Variants in PPP2R3B observed in about 807,000 individuals in gnomAD.
PPP2R3B encodes the protein serine/threonine-protein phosphatase 2A regulatory subunit B'' subunit beta.
In PPP2R3B, 68 loss-of-function variants were observed where a neutral mutation model predicts 72.9. The observed-to-expected ratio is 0.93, with a 90% CI of 0.77 to 1.14. The LOEUF (loss-of-function observed/expected upper bound fraction) is 1.14, where lower values mean the gene tolerates loss of function less well. Among genes scored for constraint, PPP2R3B ranks in the 50% most tolerant of loss-of-function variants. The pLI is 0.00. For missense variants in PPP2R3B, 1,018 were observed against 842.0 expected (o/e 1.21, Z -2.59); for synonymous variants, 466 against 375.8 (o/e 1.24, Z -2.78).
At chrX:377,073 G>A (rs1186684583) in intron 1 of PPP2R3B, among the ~76,000 whole-genome samples, 29 of 71,414 alleles carry the variant, frequency 4.1e-4, no homozygotes, top group African/African-American at 9.3e-4. Context: ...GGGACGGGCC[G>A]TCCACACCCA....
intron 1 of PPP2R3B, among the ~76,000 whole-genome samples, chrX:363,307 G>A (rs1171249246): frequency 1.5e-4 from 22 of 145,508 alleles, no homozygotes; most frequent in African/African-American, 3.9e-4. Flanking sequence ...GCATCTCCCC[G>A]AGCCCACCAT....
intron 2 of PPP2R3B, among the ~76,000 whole-genome samples, chrX:357,775 G>T (rs1413863978): frequency 2.0e-5 from 3 of 152,198 alleles, no homozygotes; most frequent in Non-Finnish European, 2.9e-5. Flanking sequence ...GGGCAGCTGA[G>T]GGGGTGGAGT....
chrX:347,252 GTCC>G lies in PPP2R3B; in HGVS notation c.696_698del (p.Glu232del). Reference sequence around the variant, plus strand: ...CTCTCACCTGCAAGAAGGGGACAAAGTCCTCCTGCACCAGGTAGTTGCAGCCGG... The same window carrying G: ...CTCTCACCTGCAAGAAGGGGACAAAGTCCTGCACCAGGTAGTTGCAGCCGG... On this transcript the variant is annotated inframe_deletion, in exon 4 of 13. Coordinates refer to ENST00000390665, the MANE Select transcript of PPP2R3B (RefSeq NM_013239.5). 6.2e-7 allele frequency: 1 copy of G among 1,613,706 alleles called. No individual in the cohort carries two copies.
intron 2 of PPP2R3B, among the ~76,000 whole-genome samples, chrX:353,928 CCGGGGGCTCACCCAGGGAG>C (rs1162753528): frequency 1.9e-4 from 27 of 144,842 alleles, no homozygotes; most frequent in African/African-American, 7.0e-4. Flanking sequence ...CGCCCAGGGA[CCGGGGGCTCACCCAGGGAG>C]CAGGGGCTCA....
rs373979075 is a variant in PPP2R3B at position 344,093 on chromosome X, C to G, written c.1036+1423G>C. Among the ~76,000 whole-genome samples the G allele has an allele frequency of 2.5e-3, 104 of 41,594 alleles. 13 individuals are homozygous for G. Among genetic ancestry groups the G allele is most frequent in the African/African-American group, 7.8e-3 (69 of 8,806 alleles). The allele number at this position is 41,594 out of a possible 152,430, so 27.3% of individuals were successfully genotyped here. A position where few individuals can be genotyped will look rare whatever the true frequency, so the allele number is the denominator to read the frequency against. Reference sequence around the variant, plus strand: ...AACGGGAGGCGGGAGGGAGACCTCACCAACGGGAGGCGGGAGTGAGACCTC... The same window carrying G: ...AACGGGAGGCGGGAGGGAGACCTCAGCAACGGGAGGCGGGAGTGAGACCTC... On this transcript the variant is annotated intron_variant, in intron 7 of 12. Coordinates refer to ENST00000390665, the MANE Select transcript of PPP2R3B (RefSeq NM_013239.5).
In PPP2R3B at chrX:338,626, C is replaced by T. The variant is rs759701845; in HGVS notation, c.1555G>A (p.Ala519Thr). 79 of 1,610,384 alleles carry T rather than the reference C, an allele frequency of 4.9e-5. No individual in the cohort carries two copies. Among genetic ancestry groups the T allele is most frequent in the Non-Finnish European group, 6.3e-5 (74 of 1,179,496 alleles). The change falls in exon 12 of 13, where the codon GCG becomes ACG. Residue 519 changes from alanine (A) to threonine (T), a missense_variant. Physicochemically the swap from Ala to Thr is moderately conservative, Grantham distance 58. Transcript: ENST00000390665. The part of the protein sequence containing the change: ...EYDILVAEET[A>T]GEPWEDGFEA... ...CACCCGTCCTCCCAGGGCTCTCCCGCAGTCTCCTCGGCCACCAGGATGTCG... is the reference window on the plus strand; with the variant it reads ...CACCCGTCCTCCCAGGGCTCTCCCGTAGTCTCCTCGGCCACCAGGATGTCG...
rs773746047 is a variant in PPP2R3B, at chrX:371,017, G to C, written c.325-9427C>G. Among the ~76,000 whole-genome samples the C allele has an allele frequency of 4.6e-5, 7 of 152,238 alleles. No individual in the cohort carries two copies. The South Asian group carries it at 1.5e-3, about 32-fold the overall frequency. Reference sequence around the variant, plus strand: ...TGTGTGCTGAGTCAGTGTGTGGGGAGCGGGAGAGTCACTCCCCAGGCGGGG... The same window carrying C: ...TGTGTGCTGAGTCAGTGTGTGGGGACCGGGAGAGTCACTCCCCAGGCGGGG... On this transcript the variant is annotated intron_variant, in intron 1 of 12. Coordinates refer to ENST00000390665, the MANE Select transcript of PPP2R3B (RefSeq NM_013239.5).
intron 10 of PPP2R3B, among the ~76,000 whole-genome samples, chrX:339,274 G>T (rs1449229186): frequency 1.3e-5 from 2 of 150,164 alleles, no homozygotes; most frequent in African/African-American, 4.9e-5. Flanking sequence ...CCCATGGCCG[G>T]GGGGGGCAGG....
intron 7 of PPP2R3B, chrX:344,808 G>GC (rs1172105692): frequency 6.8e-6 from 2 of 294,244 alleles, no homozygotes; most frequent in Admixed American, 9.8e-5. Context: ...CCCAGGACCA[G>GC]CCCCGGGAGA....
chrX:364,575 G>T (rs769461447), intron 1 of PPP2R3B, among the ~76,000 whole-genome samples: 2 of 149,722 alleles, frequency 1.3e-5, no homozygotes, highest in Non-Finnish European at 3.0e-5. Context: ...AAAATTAGCC[G>T]GGTGTGGTGG....
At chrX:369,711 A>G (rs1257947284) in intron 1 of PPP2R3B, among the ~76,000 whole-genome samples, 1 of 152,228 alleles carries the variant, frequency 6.6e-6, no homozygotes, top group African/African-American at 2.4e-5. Flanking sequence ...GGTGACCAGC[A>G]GAAATGACCC....
intron 7 of PPP2R3B, 170 bp from the exon 8 acceptor site, chrX:342,101 C>T (rs2071092565): frequency 8.3e-6 from 6 of 724,066 alleles, no homozygotes; most frequent in Admixed American, 6.8e-5. Flanking sequence ...TAGGGGCCCA[C>T]CACGCTTTCC....
intron 1 of PPP2R3B, among the ~76,000 whole-genome samples, chrX:377,091 C>T (rs1473472286): frequency 8.6e-4 from 41 of 47,810 alleles, no homozygotes; most frequent in South Asian, 1.8e-3. Context: ...CCAGTGGGGC[C>T]ACCATGGGGC....
At position 386,838 on chromosome X, in the gene PPP2R3B, T is replaced by A; in HGVS notation, c.-147A>T. The A allele has an allele frequency of 3.1e-6, 1 of 321,370 alleles. No homozygotes were observed. Among genetic ancestry groups the A allele is most frequent in the Non-Finnish European group, 5.0e-6 (1 of 201,772 alleles). The allele number at this position is 321,370 out of a possible 1,614,324, so 19.9% of individuals were successfully genotyped here. On this transcript the variant is annotated 5_prime_UTR_variant, in exon 1 of 13. Transcript: ENST00000390665. ...GGAACAGGGCCCGCGCCTCGGGAAC[T>A]GCGCGGACTCGCGGGGCGCGGGGAC... is the stretch of plus-strand genomic sequence containing the variant.
Position 361,583 on chromosome X carries a change from G to T in PPP2R3B, c.332C>A (p.Thr111Lys), listed in dbSNP as rs1196461013. 6.2e-7 allele frequency: 1 copy of T among 1,613,904 alleles called. No homozygotes were observed. The highest frequency in any genetic ancestry group is 1.1e-5 in the South Asian group (1 of 91,080). Residue 111 changes from threonine (T) to lysine (K), a missense_variant, in exon 2 of 13, where the codon ACA (threonine) becomes AAA (lysine). Transcript: ENST00000390665. ...CGGGGGCAGAGGCTCTTCTTTCCGT[G>T]TCTGAACCTGAAGAGTCGACAGACA... ...RRSAGTRVVQTRKEEPLPPAT... is the reference protein window; with the variant it reads ...RRSAGTRVVQKRKEEPLPPAT...
At chrX:379,508 C>T (rs925787870) in intron 1 of PPP2R3B, among the ~76,000 whole-genome samples, 19 of 152,316 alleles carry the variant, frequency 1.2e-4, no homozygotes, top group African/African-American at 3.1e-4. Flanking sequence ...CACGCACGCC[C>T]GTGTTTATCT....
intron 1 of PPP2R3B, among the ~76,000 whole-genome samples, chrX:385,536 G>C (rs777639607): frequency 9.2e-5 from 14 of 151,982 alleles, no homozygotes; most frequent in Non-Finnish European, 1.6e-4. Context: ...AATACAGTGG[G>C]ATTTTGGGAG....
At chrX:351,020 G>A (rs1316835885) in intron 2 of PPP2R3B, among the ~76,000 whole-genome samples, 3 of 152,176 alleles carry the variant, frequency 2.0e-5, no homozygotes, top group Non-Finnish European at 4.4e-5. Context: ...ACGGGGGGGC[G>A]TGGGGGACTG....
chrX:359,314 G>A (rs1363811167), intron 2 of PPP2R3B, among the ~76,000 whole-genome samples: 3 of 152,224 alleles, frequency 2.0e-5, no homozygotes, highest in African/African-American at 4.8e-5. Context: ...GATAAAACGC[G>A]GAAGCTGAGC....
Sources: gnomAD v4.1 joint callset for allele counts (sites outside exome capture counted in the v4.1 genomes callset) on GRCh38, gnomAD v4.1.1 for gene constraint, MANE v1.5 for transcripts, NCBI Gene and HGNC (gene_info 2026-07-23, HGNC 2026-07-21) for gene names.